The following DMD variants were observed in gnomAD, a reference collection of about 807,000 sequenced individuals.
The protein encoded by DMD is mutant dystrophin.
In DMD, 63 loss-of-function variants were observed where a neutral mutation model predicts 330.1. The ratio of observed to expected loss-of-function variants is 0.19; its 90% CI spans 0.16 to 0.24. The LOEUF (loss-of-function observed/expected upper bound fraction) is 0.24, where lower values mean the gene tolerates loss of function less well. DMD is among the 10% of genes least tolerant of loss of function. The pLI is 1.00. For missense variants in DMD, 3,344 were observed against 2,684.1 expected (o/e 1.25, Z -5.43); for synonymous variants, 1,223 against 959.8 (o/e 1.27, Z -5.07).
intron 7 of DMD, among the ~76,000 whole-genome samples, chrX:32,737,079 A>G (rs1379022499): frequency 2.7e-5 from 3 of 110,552 alleles, no homozygotes; most frequent in African/African-American, 9.9e-5. Context: ...ATTGTTTCAT[A>G]TGTTATTATC....
chrX:32,655,165 C>A lies in DMD; in HGVS notation c.961-10013G>T, dbSNP rs188906051. Reference sequence around the variant, plus strand: ...AGTTGGGCTCTGATCTTAGTTATTTCTTGCCTTCTGCTAGCTTTTGAATGT... The same window carrying A: ...AGTTGGGCTCTGATCTTAGTTATTTATTGCCTTCTGCTAGCTTTTGAATGT... On this transcript the variant is annotated intron_variant, in intron 9 of 78. Transcript: ENST00000357033. 3.2e-3 allele frequency among the ~76,000 whole-genome samples: 358 copies of A among 111,462 alleles called. 2 individuals carry two copies. Among genetic ancestry groups the A allele is most frequent in the South Asian group, 0.013 (35 of 2,678 alleles).
intron 1 of DMD, among the ~76,000 whole-genome samples, chrX:33,021,761 A>G (rs750178356): frequency 2.7e-5 from 3 of 111,842 alleles, no homozygotes; most frequent in Non-Finnish European, 3.8e-5. Context: ...TTCTTATTTA[A>G]TTATGTTATT....
intron 62 of DMD, among the ~76,000 whole-genome samples, chrX:31,314,756 G>C (rs999811967): frequency 9.6e-6 from 1 of 104,690 alleles, no homozygotes; most frequent in Non-Finnish European, 2.0e-5. Flanking sequence ...GAGAGAGAGA[G>C]AGAGAGAGAG....
chrX:32,781,469 T>C (rs910855082), intron 7 of DMD, among the ~76,000 whole-genome samples: 4 of 111,786 alleles, frequency 3.6e-5, no homozygotes, highest in Admixed American at 1.9e-4. Flanking sequence ...ACAGAAGACA[T>C]TGTATCTTTA....
At chrX:32,837,782 T>A (rs1569531968) in intron 4 of DMD, among the ~76,000 whole-genome samples, 1 of 112,174 alleles carries the variant, frequency 8.9e-6, no homozygotes, top group Admixed American at 9.5e-5. Context: ...AGACACCATG[T>A]GGATCTACTG....
At chrX:32,358,178 A>G in intron 37 of DMD, among the ~76,000 whole-genome samples, 1 of 111,236 alleles carries the variant, frequency 9.0e-6, no homozygotes, top group South Asian at 3.9e-4. Flanking sequence ...CTCAACTAGC[A>G]TCTCTCCCAA....
intron 45 of DMD, among the ~76,000 whole-genome samples, chrX:31,961,738 C>T (rs1299672330): frequency 3.1e-5 from 2 of 65,450 alleles, no homozygotes; most frequent in African/African-American, 9.0e-5. Flanking sequence ...CCAAAGGAAG[C>T]GGTTTTTTTT....
chrX:32,981,786 A>G (rs1209503920), intron 2 of DMD, among the ~76,000 whole-genome samples: 1 of 111,387 alleles, frequency 9.0e-6, no homozygotes, highest in African/African-American at 3.3e-5. Flanking sequence ...CATATATATT[A>G]GTGTGAATGT....
At chrX:32,344,109 CAA>C (rs1182522719) in intron 39 of DMD, among the ~76,000 whole-genome samples, 2 of 112,205 alleles carry the variant, frequency 1.8e-5, no homozygotes, top group African/African-American at 6.5e-5. Flanking sequence ...CAAGCACACT[CAA>C]TATCTTCTGT....
intron 51 of DMD, among the ~76,000 whole-genome samples, chrX:31,739,206 T>C (rs1319079357): frequency 6.3e-5 from 7 of 111,345 alleles, no homozygotes; most frequent in African/African-American, 2.0e-4. Flanking sequence ...AATAAATATA[T>C]ACACCTGCTA....
intron 7 of DMD, among the ~76,000 whole-genome samples, chrX:32,793,294 T>C (rs1475652109): frequency 1.8e-5 from 2 of 110,744 alleles, no homozygotes; most frequent in East Asian, 5.7e-4. Flanking sequence ...AAAGCAGTGC[T>C]AAGGGGGATG....
chrX:33,005,776 G>A (rs2093383184), intron 2 of DMD, among the ~76,000 whole-genome samples: 1 of 110,570 alleles, frequency 9.0e-6, no homozygotes, highest in Non-Finnish European at 1.9e-5. Flanking sequence ...ATAAGACAAA[G>A]AAAATAGACA....
intron 41 of DMD, among the ~76,000 whole-genome samples, chrX:32,312,735 A>G (rs2097567374): frequency 9.3e-6 from 1 of 107,702 alleles, no homozygotes; most frequent in South Asian, 4.2e-4. Flanking sequence ...AAAAATGATA[A>G]AGGGGATATC....
At chrX:33,065,714 T>C (rs1426185476) in intron 1 of DMD, among the ~76,000 whole-genome samples, 1 of 112,441 alleles carries the variant, frequency 8.9e-6, no homozygotes, top group Non-Finnish European at 1.9e-5. Flanking sequence ...ATTTCAGTTA[T>C]ATTTTCTTTG....
At chrX:32,861,603 AAAG>A (rs750473821) in intron 2 of DMD, among the ~76,000 whole-genome samples, 8 of 111,611 alleles carry the variant, frequency 7.2e-5, no homozygotes, top group Admixed American at 4.7e-4. Context: ...CTAAGAATGA[AAAG>A]AAGGAGAGTG....
chrX:32,562,883 C>T (rs1044840831), intron 16 of DMD, among the ~76,000 whole-genome samples: 2 of 111,506 alleles, frequency 1.8e-5, no homozygotes, highest in Non-Finnish European at 3.8e-5. Flanking sequence ...TTGGATCAAT[C>T]CCATGACAGC....
At chrX:32,710,991 T>A (rs756725224) in intron 7 of DMD, among the ~76,000 whole-genome samples, 13 of 111,840 alleles carry the variant, frequency 1.2e-4, no homozygotes, top group South Asian at 3.7e-4. Context: ...TATATAACTA[T>A]AATATGCATG....
At chrX:31,359,142 T>C (rs2058809683) in intron 60 of DMD, among the ~76,000 whole-genome samples, 1 of 112,236 alleles carries the variant, frequency 8.9e-6, no homozygotes, top group African/African-American at 3.2e-5. Context: ...AAGGGGATGG[T>C]CTTTAGTGAA....
intron 55 of DMD, among the ~76,000 whole-genome samples, chrX:31,573,075 A>G (rs1419635704): frequency 9.0e-6 from 1 of 111,449 alleles, no homozygotes; most frequent in East Asian, 2.8e-4. Context: ...GACTAGTTGC[A>G]TGAGTCAAGG....
Sources: allele counts gnomAD v4.1 joint callset (sites outside exome capture counted in the v4.1 genomes callset), GRCh38; gene constraint gnomAD v4.1.1; transcripts MANE v1.5; gene names NCBI Gene and HGNC (gene_info 2026-07-23, HGNC 2026-07-21).